SPART: variants seen among roughly 807,000 people sequenced by gnomAD.
The protein encoded by SPART is spastic paraplegia 20 (Troyer syndrome).
A neutral mutation model predicts 58.7 loss-of-function variants in SPART; 35 were observed. That is an observed-to-expected ratio of 0.60 (90% CI 0.46 to 0.79). SPART has a LOEUF of 0.79. SPART is among the 30% of genes least tolerant of loss of function. The pLI is 0.00. For synonymous variants in SPART, 284 were observed against 280.7 expected (o/e 1.01, Z -0.12); for missense variants, 730 against 786.1 (o/e 0.93, Z 0.85).
intron 1 of SPART, among the ~76,000 whole-genome samples, chr13:36,356,004 T>C (rs1376419331): frequency 6.6e-6 from 1 of 152,202 alleles, no homozygotes; most frequent in Non-Finnish European, 1.5e-5. Context: ...TTTTTACATA[T>C]AGTACTTAGC....
At position 36,335,191 on chromosome 13, in the gene SPART, A is replaced by T; in HGVS notation, c.640T>A (p.Leu214Ile). 6.2e-7 allele frequency: 1 copy of T among 1,614,150 alleles called. No homozygotes were observed. The highest frequency in any genetic ancestry group is 1.1e-5 in the South Asian group (1 of 91,082). ...ATCAATTCATCTGCATCCAGCCCTA[A>T]GGTCTCAAGAGGCGGTGGCTGAGAA... ...NHSQPPPLET[L>I]GLDADELILI... The change falls in exon 2 of 9, where the codon TTA (leucine) becomes ATA (isoleucine). Residue 214 changes from leucine to isoleucine, a missense_variant. Transcript: ENST00000438666.
chr13:36,321,899 G>A (rs987637170), intron 5 of SPART, among the ~76,000 whole-genome samples: 12 of 151,946 alleles, frequency 7.9e-5, no homozygotes, highest in African/African-American at 1.9e-4. Context: ...GTAAATGGCC[G>A]GTCCTTGCCT....
In SPART at chr13:36,335,132, T is replaced by C; in HGVS notation, c.699A>G (p.Val233=). 1.9e-6 allele frequency: 3 copies of C among 1,614,082 alleles called. No individual in the cohort carries two copies. Among genetic ancestry groups the C allele is most frequent in the Non-Finnish European group, 2.5e-6 (3 of 1,179,996 alleles). The change falls in exon 2 of 9, where the codon GTA becomes GTG. Residue 233 remains valine, a synonymous_variant. Transcript: ENST00000438666. ...GTGCACTAACCTCCCCTGCAGGATT[T>C]ACAAAAAAAATCTGTACTCCATTTG... ...LIPNGVQIFF[V]NPAGEVSAPS...
chr13:36,350,256 G>T (rs139056165), upstream of SPART, among the ~76,000 whole-genome samples: 1 of 152,286 alleles, frequency 6.6e-6, no homozygotes, highest in East Asian at 1.9e-4. Context: ...CTTAGATCTC[G>T]CAGGTGAGGT....
rs919515002 is a variant in SPART at position 36,357,342 on chromosome 13, C to T, written c.-3+12747G>A. ...TTCTGGGAGTGCAGATTAGACCTGA[C>T]CAGTCACAAGTCATCTTTGCTGGTA... On this transcript the variant is annotated intron_variant, in intron 1 of 8. Transcript: ENST00000355182. Among the ~76,000 whole-genome samples the T allele has an allele frequency of 2.0e-5, 3 of 152,152 alleles. No homozygotes were observed. The East Asian group carries it at 5.8e-4, about 29-fold the overall frequency.
At position 36,367,353 on chromosome 13, in the gene SPART, G is replaced by A. The variant is rs545859711; in HGVS notation, c.-3+2736C>T. On this transcript the variant is annotated intron_variant, in intron 1 of 8. Coordinates refer to the SPART transcript ENST00000355182. ...CACCCTGCACTTGCATATTAAAAGGGTAGGGTGGGAGGGCCAGCTTTTTCG... is the reference window on the plus strand; with the variant it reads ...CACCCTGCACTTGCATATTAAAAGGATAGGGTGGGAGGGCCAGCTTTTTCG... Among the ~76,000 whole-genome samples, 6 of 151,984 alleles carry A rather than the reference G, an allele frequency of 3.9e-5. No homozygotes were observed. The East Asian group carries it at 1.2e-3, about 29-fold the overall frequency.
intron 5 of SPART, among the ~76,000 whole-genome samples, chr13:36,315,054 G>C (rs951360919): frequency 6.6e-6 from 1 of 152,232 alleles, no homozygotes; most frequent in African/African-American, 2.4e-5. Flanking sequence ...TCAAATGCAT[G>C]AGTAGAGAAA....
intron 5 of SPART, among the ~76,000 whole-genome samples, chr13:36,321,773 C>G (rs988845717): frequency 3.3e-5 from 5 of 152,168 alleles, no homozygotes; most frequent in African/African-American, 1.2e-4. Context: ...CAAGCCATCG[C>G]GTCCCCTGTG....
intron 1 of SPART, among the ~76,000 whole-genome samples, chr13:36,359,940 A>AAAAC (rs1258736221): frequency 1.3e-5 from 2 of 150,974 alleles, no homozygotes; most frequent in African/African-American, 4.9e-5. Flanking sequence ...AAAAAAAAAA[A>AAAAC]AACACCTCTT....
chr13:36,363,760 G>T (rs1192036385), intron 1 of SPART, among the ~76,000 whole-genome samples: 2 of 149,930 alleles, frequency 1.3e-5, no homozygotes, highest in African/African-American at 4.9e-5. Context: ...CAGCCTGTTG[G>T]TTTTTTTTGT....
intron 4 of SPART, among the ~76,000 whole-genome samples, chr13:36,327,320 T>A (rs964540478): frequency 6.6e-6 from 1 of 152,114 alleles, no homozygotes; most frequent in Non-Finnish European, 1.5e-5. Flanking sequence ...TCAGACCTCA[T>A]AGTATTAATA....
intron 8 of SPART, among the ~76,000 whole-genome samples, chr13:36,309,552 GC>G (rs60235033): frequency 0.014 from 1,913 of 139,862 alleles, 39 homozygotes; most frequent in African/African-American, 0.047. Flanking sequence ...ATACTACACA[GC>G]CCTAAAAAAA....
chr13:36,325,201 G>A (rs1173274214), intron 5 of SPART, among the ~76,000 whole-genome samples: 1 of 152,168 alleles, frequency 6.6e-6, no homozygotes, highest in Non-Finnish European at 1.5e-5. Flanking sequence ...CAAGTTTTCT[G>A]AATGATGGCC....
At chr13:36,348,874 T>C (rs1441848617), upstream of SPART, among the ~76,000 whole-genome samples, 2 of 152,138 alleles carry the variant, frequency 1.3e-5, no homozygotes, top group East Asian at 3.9e-4. Flanking sequence ...CAGGGAAATA[T>C]AAGGACCCAG....
chr13:36,323,433 A>G (rs1882615440), intron 5 of SPART, among the ~76,000 whole-genome samples: 1 of 152,064 alleles, frequency 6.6e-6, no homozygotes, highest in African/African-American at 2.4e-5. Flanking sequence ...TCTCAAGCCT[A>G]TACAGGTAAA....
chr13:36,324,028 T>G (rs895452344), intron 5 of SPART, among the ~76,000 whole-genome samples: 1 of 152,190 alleles, frequency 6.6e-6, no homozygotes, highest in African/African-American at 2.4e-5. Context: ...CACCATGGTG[T>G]GCTATCTATA....
intron 6 of SPART, among the ~76,000 whole-genome samples, chr13:36,313,485 C>A (rs1277350328): frequency 6.6e-6 from 1 of 152,216 alleles, no homozygotes; most frequent in Non-Finnish European, 1.5e-5. Flanking sequence ...TAGGCCTTCA[C>A]ATTCACTCAC....
At chr13:36,333,534 T>TAA (rs1164442035) in intron 2 of SPART, among the ~76,000 whole-genome samples, 1 of 151,970 alleles carries the variant, frequency 6.6e-6, no homozygotes, top group Non-Finnish European at 1.5e-5. Flanking sequence ...GAGAACCTCT[T>TAA]AAAGAGACTC....
chr13:36,307,271 G>A (rs1880602739), intron 8 of SPART, among the ~76,000 whole-genome samples: 1 of 151,944 alleles, frequency 6.6e-6, no homozygotes, highest in African/African-American at 2.4e-5. Context: ...ATAAGTCAAC[G>A]AGATTCAAAA....
Sources: gnomAD v4.1 joint callset for allele counts (sites outside exome capture counted in the v4.1 genomes callset) on GRCh38, gnomAD v4.1.1 for gene constraint, MANE v1.5 for transcripts, NCBI Gene and HGNC (gene_info 2026-07-23, HGNC 2026-07-21) for gene names.